Variants in ARID5B observed in about 807,000 individuals in gnomAD.
ARID5B encodes AT-rich interactive domain-containing protein 5B.
A neutral mutation model predicts 97.2 loss-of-function variants in ARID5B; 13 were observed. That is an observed-to-expected ratio of 0.13 (90% CI 0.09 to 0.21). ARID5B has a LOEUF of 0.21. ARID5B is among the 10% of genes least tolerant of loss of function. The pLI is 1.00. For synonymous variants in ARID5B, 556 were observed against 570.3 expected (o/e 0.97, Z 0.36); for missense variants, 1,210 against 1,465.3 (o/e 0.83, Z 2.84).
At chr10:62,053,080 C>T (rs1839812270) in intron 5 of ARID5B, among the ~76,000 whole-genome samples, 1 of 152,186 alleles carries the variant, frequency 6.6e-6, no homozygotes, top group Non-Finnish European at 1.5e-5. Context: ...GGGATGAGGA[C>T]AGTCATTAAA....
chr10:61,971,752 G>C (rs1348523260), intron 3 of ARID5B, among the ~76,000 whole-genome samples: 1 of 151,368 alleles, frequency 6.6e-6, no homozygotes, highest in Non-Finnish European at 1.5e-5. Flanking sequence ...GATACTAGCA[G>C]GAAAAAAAGA....
At chr10:62,019,831 G>A (rs1175486850) in intron 4 of ARID5B, among the ~76,000 whole-genome samples, 1 of 152,190 alleles carries the variant, frequency 6.6e-6, no homozygotes, top group Non-Finnish European at 1.5e-5. Context: ...TTTGGCAAAG[G>A]TTTAATTCAG....
At chr10:61,997,370 T>A (rs1053326184) in intron 3 of ARID5B, among the ~76,000 whole-genome samples, 2 of 151,272 alleles carry the variant, frequency 1.3e-5, no homozygotes, top group Non-Finnish European at 1.5e-5. Context: ...GATGGCATCA[T>A]CATGAAAAAT....
chr10:61,929,670 T>C (rs1813261771), intron 2 of ARID5B, among the ~76,000 whole-genome samples: 1 of 152,212 alleles, frequency 6.6e-6, no homozygotes, highest in Admixed American at 6.5e-5. Flanking sequence ...TCCTGAGCAA[T>C]TTGCCCTCAT....
At chr10:62,021,636 A>G (rs1258047031) in intron 4 of ARID5B, among the ~76,000 whole-genome samples, 1 of 152,246 alleles carries the variant, frequency 6.6e-6, no homozygotes, top group Non-Finnish European at 1.5e-5. Flanking sequence ...AGAAACATCC[A>G]TTCTGGCCCT....
chr10:62,075,933 A>G (rs3740352), intron 8 of ARID5B, among the ~76,000 whole-genome samples: 50,362 of 152,128 alleles, frequency 0.33, 9,068 homozygotes, highest in Non-Finnish European at 0.41. Context: ...CTCAAAACCC[A>G]ATCGGTGTTT....
chr10:61,927,910 C>T (rs954446782), intron 2 of ARID5B, among the ~76,000 whole-genome samples: 2 of 152,192 alleles, frequency 1.3e-5, no homozygotes, highest in East Asian at 3.8e-4. Context: ...CCTTTCTTTT[C>T]TCTGCTTTCT....
intron 3 of ARID5B, among the ~76,000 whole-genome samples, chr10:61,966,543 C>G (rs193168204): frequency 2.0e-5 from 3 of 152,050 alleles, no homozygotes; most frequent in Admixed American, 6.5e-5. Context: ...TTTTCACATG[C>G]TCTGAATTTT....
At chr10:61,972,452 C>G (rs1022971531) in intron 3 of ARID5B, among the ~76,000 whole-genome samples, 2 of 152,144 alleles carry the variant, frequency 1.3e-5, no homozygotes, top group East Asian at 3.8e-4. Flanking sequence ...TGGTCTCAAA[C>G]TCCTGACCTC....
intron 9 of ARID5B, among the ~76,000 whole-genome samples, chr10:62,090,550 C>T (rs1840354338): frequency 6.6e-6 from 1 of 152,122 alleles, no homozygotes; most frequent in African/African-American, 2.4e-5. Flanking sequence ...AGAAGACAAC[C>T]TTAGAATTAA....
At chr10:62,086,949 G>A (rs1433969770) in intron 9 of ARID5B, among the ~76,000 whole-genome samples, 3 of 152,030 alleles carry the variant, frequency 2.0e-5, no homozygotes, top group Admixed American at 6.6e-5. Context: ...TTAGAGAAGT[G>A]TTTGTCTCCC....
chr10:62,010,205 G>A (rs1839198260), intron 4 of ARID5B, among the ~76,000 whole-genome samples: 1 of 152,176 alleles, frequency 6.6e-6, no homozygotes, highest in Non-Finnish European at 1.5e-5. Flanking sequence ...CAATTTTGCA[G>A]CAGTGGTAAA....
intron 4 of ARID5B, among the ~76,000 whole-genome samples, chr10:62,019,965 C>T (rs138763424): frequency 1.4e-4 from 21 of 152,270 alleles, no homozygotes; most frequent in African/African-American, 4.3e-4. Flanking sequence ...AGTGAGTCTT[C>T]TAATTGTGAC....
chr10:61,907,513 G>A (rs1351484822), intron 2 of ARID5B, among the ~76,000 whole-genome samples: 1 of 152,222 alleles, frequency 6.6e-6, no homozygotes, highest in Non-Finnish European at 1.5e-5. Flanking sequence ...ATAATGAAAA[G>A]GGTCTGGAAT....
intron 3 of ARID5B, among the ~76,000 whole-genome samples, chr10:61,957,270 T>G (rs1838403728): frequency 6.6e-6 from 1 of 152,234 alleles, no homozygotes; most frequent in Admixed American, 6.5e-5. Context: ...TTGTCTTGTT[T>G]TTTTGTTGTT....
At chr10:61,999,329 T>C (rs910435398) in intron 3 of ARID5B, among the ~76,000 whole-genome samples, 36 of 152,280 alleles carry the variant, frequency 2.4e-4, no homozygotes, top group African/African-American at 8.4e-4. Flanking sequence ...ACAAACCAAT[T>C]GTAAGCTGAA....
intron 8 of ARID5B, among the ~76,000 whole-genome samples, chr10:62,074,078 AG>A (rs1354019615): frequency 1.4e-4 from 22 of 152,194 alleles, no homozygotes; most frequent in Middle Eastern, 3.2e-3. Context: ...AAGTCCATGC[AG>A]GGGGAAAAAA....
At chr10:61,902,721 A>C (rs983661175) in intron 2 of ARID5B, among the ~76,000 whole-genome samples, 5 of 148,882 alleles carry the variant, frequency 3.4e-5, no homozygotes, top group Non-Finnish European at 6.0e-5. Context: ...GTGTGTGTTC[A>C]TTTGCTCTCC....
chr10:61,932,306 G>T (rs568904685), intron 2 of ARID5B, among the ~76,000 whole-genome samples: 1 of 152,222 alleles, frequency 6.6e-6, no homozygotes, highest in East Asian at 1.9e-4. Flanking sequence ...TTTTTTGCTT[G>T]TGGAAGATCT....
Sources: gnomAD v4.1 joint callset for allele counts (sites outside exome capture counted in the v4.1 genomes callset) on GRCh38, gnomAD v4.1.1 for gene constraint, MANE v1.5 for transcripts, NCBI Gene and HGNC (gene_info 2026-07-23, HGNC 2026-07-21) for gene names.